The following FCF1 variants were observed in gnomAD, a reference collection of about 807,000 sequenced individuals.
FCF1 encodes rRNA-processing protein FCF1 homolog.
In FCF1, 17 loss-of-function variants were observed where a neutral mutation model predicts 32.5. The ratio of observed to expected loss-of-function variants is 0.52; its 90% confidence interval spans 0.36 to 0.78. The LOEUF (loss-of-function observed/expected upper bound fraction) is 0.78. FCF1 is among the 30% of genes least tolerant of loss of function. The pLI, the probability that FCF1 is intolerant of heterozygous loss-of-function variation, is 0.00. For synonymous variants in FCF1, 84 were observed against 78.4 expected (o/e 1.07, Z -0.38); for missense variants, 201 against 241.1 (o/e 0.83, Z 1.10).
chr14:74,721,113 C>T (rs1424675297), intron 4 of FCF1, among the ~76,000 whole-genome samples: 7 of 149,022 alleles, frequency 4.7e-5, no homozygotes, highest in African/African-American at 1.5e-4. Context: ...GGTGCAATAT[C>T]GGCTCACTGC....
At chr14:74,717,086 G>A (rs1013560110) in intron 4 of FCF1, among the ~76,000 whole-genome samples, 16 of 152,110 alleles carry the variant, frequency 1.1e-4, no homozygotes, top group African/African-American at 4.8e-5. Flanking sequence ...CCCAGCACTC[G>A]CGGTGGCTCA....
At chr14:74,733,981 C>T (rs1231599832) in intron 6 of FCF1, 95 bp from the exon 7 acceptor site, 36 of 790,080 alleles carry the variant, frequency 4.6e-5, no homozygotes, top group Admixed American at 1.8e-4. Context: ...TGAAAATGAA[C>T]GATTCTCAGA....
At chr14:74,722,020 A>C (rs1169886688) in intron 4 of FCF1, among the ~76,000 whole-genome samples, 1 of 147,660 alleles carries the variant, frequency 6.8e-6, no homozygotes, top group African/African-American at 2.5e-5. Flanking sequence ...GTATGAGAAT[A>C]CTTGTTTCCT....
rs1240352078 is a variant in FCF1, at chr14:74,719,715, T to C, written c.293-3557T>C. Among the ~76,000 whole-genome samples, 36 of 151,972 alleles carry C rather than the reference T, an allele frequency of 2.4e-4. 1 individual carries two copies. Among genetic ancestry groups the C allele is most frequent in the Admixed American group, 2.3e-3 (35 of 15,236 alleles). On this transcript the variant is annotated intron_variant, in intron 4 of 7. Coordinates refer to ENST00000341162, the MANE Select transcript of FCF1 (RefSeq NM_015962.5). Reference sequence around the variant, plus strand: ...GGGAGGTCGAGGCTGCACTGAGCTATGTCCATGTCACTGCCCTCCAGCCTG... The same window carrying C: ...GGGAGGTCGAGGCTGCACTGAGCTACGTCCATGTCACTGCCCTCCAGCCTG...
At chr14:74,733,136 A>T (rs2090659778) in intron 6 of FCF1, among the ~76,000 whole-genome samples, 1 of 152,208 alleles carries the variant, frequency 6.6e-6, no homozygotes, top group South Asian at 2.1e-4. Flanking sequence ...AAATCTCTGT[A>T]AAATGATTTT....
At chr14:74,730,206 CTTTTTTT>C (rs869067896) in intron 5 of FCF1, among the ~76,000 whole-genome samples, 1 of 109,400 alleles carries the variant, frequency 9.1e-6, no homozygotes, top group Non-Finnish European at 1.9e-5. Context: ...TGTGTATATG[CTTTTTTT>C]TTTTTTTTTT....
intron 4 of FCF1, 26 bp from the exon 5 acceptor site, chr14:74,723,246 T>C (rs773669558): frequency 1.3e-6 from 2 of 1,568,978 alleles, no homozygotes; most frequent in South Asian, 2.2e-5. Flanking sequence ...AGTTCTGTTC[T>C]TAATGTGAAT....
rs751407938 is a variant in FCF1, at chr14:74,713,145, T to C, written c.-53T>C. 6.2e-7 allele frequency: 1 copy of C among 1,614,104 alleles called. No homozygotes were observed. Among genetic ancestry groups the C allele is most frequent in the Non-Finnish European group, 8.5e-7 (1 of 1,180,014 alleles). On this transcript the variant is annotated 5_prime_UTR_variant, in exon 1 of 8. Transcript: ENST00000341162. ...TGCCGGAAGCAGTATGTGAATGACG[T>C]AGAAGTATTGCGCCGTTGGTGATTA...
In FCF1 at chr14:74,720,797, G is replaced by A. The variant is rs529143315; in HGVS notation, c.293-2475G>A. On this transcript the variant is annotated intron_variant, in intron 4 of 7. Transcript: ENST00000341162. The stretch of plus-strand genomic sequence containing the variant: ...CCCAAGTAGCTGAGACTACTGGAAA[G>A]AGCCACCATGCCTGGCTATTTTATT... Among the ~76,000 whole-genome samples, 26 of 152,058 alleles carry A rather than the reference G, an allele frequency of 1.7e-4. No homozygotes were observed. The South Asian group carries it at 5.2e-3, about 30-fold the overall frequency.
At chr14:74,715,492 A>G (rs1246615775) in intron 3 of FCF1, among the ~76,000 whole-genome samples, 1 of 152,196 alleles carries the variant, frequency 6.6e-6, no homozygotes, top group Admixed American at 6.5e-5. Context: ...TTCAACCCAG[A>G]CAACTTGGGC....
chr14:74,716,181 G>T (rs2090417014), intron 4 of FCF1, 82 bp downstream of exon 4: 1 of 1,365,884 alleles, frequency 7.3e-7, no homozygotes, highest in Admixed American at 1.8e-5. Flanking sequence ...AGGGAGATGG[G>T]GTTCTTGTTA....
chr14:74,714,810 TGAGA>T, intron 2 of FCF1, 58 bp from the exon 3 acceptor site: 1 of 1,500,432 alleles, frequency 6.7e-7, no homozygotes, highest in Admixed American at 2.8e-5. Context: ...TTTAGATTTT[TGAGA>T]TTTTAATTGC....
chr14:74,726,727 G>A (rs1448955657), intron 5 of FCF1, among the ~76,000 whole-genome samples: 1 of 152,050 alleles, frequency 6.6e-6, no homozygotes, highest in East Asian at 1.9e-4. Flanking sequence ...TCTAGCATTA[G>A]GTATATCTCG....
At chr14:74,714,241 G>A (rs1474263568) in intron 2 of FCF1, among the ~76,000 whole-genome samples, 2 of 152,208 alleles carry the variant, frequency 1.3e-5, no homozygotes, top group African/African-American at 4.8e-5. Flanking sequence ...ATCACCTGAG[G>A]TGAGGAGTTC....
intron 5 of FCF1, among the ~76,000 whole-genome samples, chr14:74,729,223 A>G (rs897068253): frequency 2.6e-5 from 4 of 152,186 alleles, no homozygotes; most frequent in African/African-American, 7.2e-5. Flanking sequence ...CTGTGAATCC[A>G]TCTGGTCCTG....
In FCF1 at chr14:74,735,001, T is replaced by C; in HGVS notation, c.*71T>C. On this transcript the variant is annotated 3_prime_UTR_variant, in exon 8 of 8. Coordinates refer to ENST00000341162, the MANE Select transcript of FCF1 (RefSeq NM_015962.5). ...CTTGTTGCCAGTTCATTACACAAAATGTAGCGGGATTTTTAAGGAATCAGA... is the reference window on the plus strand; with the variant it reads ...CTTGTTGCCAGTTCATTACACAAAACGTAGCGGGATTTTTAAGGAATCAGA... The C allele has an allele frequency of 7.7e-7, 1 of 1,295,692 alleles. No homozygotes were observed. Among genetic ancestry groups the C allele is most frequent in the Admixed American group, 1.7e-5 (1 of 58,498 alleles). 80.3% of individuals were successfully genotyped at this position (1,295,692 alleles called of 1,614,324 possible).
chr14:74,736,861 T>G lies in FCF1; in HGVS notation c.*1931T>G, dbSNP rs2090712723. The G allele has an allele frequency of 6.6e-6, 1 of 152,046 alleles. No homozygotes were observed. The highest frequency in any genetic ancestry group is 6.6e-5 in the Admixed American group (1 of 15,262). 9.4% of individuals were successfully genotyped at this position (152,046 alleles called of 1,614,324 possible). ...CTCATTATGGTGGGAAAGAAAAACATGTAAATGAATAAATGCCGTAAAATA... is the reference window on the plus strand; with the variant it reads ...CTCATTATGGTGGGAAAGAAAAACAGGTAAATGAATAAATGCCGTAAAATA... On this transcript the variant is annotated 3_prime_UTR_variant, in exon 8 of 8. Transcript: ENST00000341162.
intron 5 of FCF1, 42 bp from the exon 6 acceptor site, chr14:74,732,689 A>G (rs1004595144): frequency 3.0e-6 from 4 of 1,332,128 alleles, no homozygotes; most frequent in Non-Finnish European, 1.1e-6. Context: ...AGACTCAGAA[A>G]GTTATCCAGC....
intron 4 of FCF1, among the ~76,000 whole-genome samples, chr14:74,722,503 A>G (rs2090518150): frequency 6.6e-6 from 1 of 152,144 alleles, no homozygotes; most frequent in East Asian, 1.9e-4. Context: ...CCTATAAAAT[A>G]GGGATGATGA....
Sources: allele counts gnomAD v4.1 joint callset (sites outside exome capture counted in the v4.1 genomes callset), GRCh38; gene constraint gnomAD v4.1.1; transcripts MANE v1.5; gene names NCBI Gene and HGNC (gene_info 2026-07-23, HGNC 2026-07-21).